HPDL: variants seen among roughly 807,000 people sequenced by gnomAD.
HPDL encodes the protein 4-hydroxyphenylpyruvate dioxygenase-like protein.
HPDL carries 7 observed loss-of-function variants against 9.8 expected under a neutral mutation model. The ratio of observed to expected loss-of-function variants is 0.71; its 90% CI spans 0.41 to 1.34. HPDL has a LOEUF of 1.34. Ranked by LOEUF, HPDL falls within the 40% of genes most tolerant of loss-of-function variation. The pLI, the probability that HPDL is intolerant of heterozygous loss-of-function variation, is 0.01. For missense variants in HPDL, 530 were observed against 495.1 expected, an observed-to-expected ratio of 1.07 and a Z score of -0.67; for synonymous variants, 250 against 228.2, an observed-to-expected ratio of 1.10 and a Z score of -0.86.
Position 45,327,012 on chromosome 1 carries a change from A to T in HPDL, c.-137A>T. 1 of 895,640 alleles carries T rather than the reference A, an allele frequency of 1.1e-6. No homozygotes were observed. Among genetic ancestry groups the T allele is most frequent in the Non-Finnish European group, 1.6e-6 (1 of 644,670 alleles). 55.5% of individuals were successfully genotyped at this position (895,640 alleles called of 1,614,324 possible). A position where few individuals can be genotyped will look rare whatever the true frequency, so the allele number is the denominator to read the frequency against. ...TCGGCGGGTGACTTCTTTCCGGAAGAAAGCGAGGAACGCGCTCTGCGGGGT... is the reference window on the plus strand; with the variant it reads ...TCGGCGGGTGACTTCTTTCCGGAAGTAAGCGAGGAACGCGCTCTGCGGGGT... On this transcript the variant is annotated 5_prime_UTR_variant, in exon 1 of 1. Coordinates refer to ENST00000334815, the MANE Select transcript of HPDL (RefSeq NM_032756.4). The surrounding 1 kb of genome is among the most constrained non-coding windows in gnomAD (Gnocchi z 6.3).
rs764332722 is a variant in HPDL, at chr1:45,327,907, G to T, written c.759G>T (p.Gly253=). 14 of 1,558,548 alleles carry T rather than the reference G, an allele frequency of 9.0e-6. No individual in the cohort carries two copies. The African/African-American group carries it at 1.8e-4, about 20-fold the overall frequency. Residue 253 remains glycine (G), a synonymous_variant, in exon 1 of 1, where the codon GGG becomes GGT. Transcript: ENST00000334815. The surrounding 1 kb of genome is among the most constrained non-coding windows in gnomAD (Gnocchi z 6.3). ...QVEQFLARHK[G]PGLQHVGLYT... is the part of the protein sequence containing the mutation. Reference sequence around the variant, plus strand: ...AGCAGTTCCTGGCCCGGCACAAGGGGCCAGGCCTGCAGCACGTGGGGCTGT... The same window carrying T: ...AGCAGTTCCTGGCCCGGCACAAGGGTCCAGGCCTGCAGCACGTGGGGCTGT...
chr1:45,328,381 T>A lies in HPDL; in HGVS notation c.*117T>A. 9.3e-7 allele frequency: 1 copy of A among 1,071,018 alleles called. No homozygotes were observed. Among genetic ancestry groups the A allele is most frequent in the Non-Finnish European group, 1.3e-6 (1 of 751,012 alleles). 66.3% of individuals were successfully genotyped at this position (1,071,018 alleles called of 1,614,324 possible). A position where few individuals can be genotyped will look rare whatever the true frequency, so the allele number is the denominator to read the frequency against. On this transcript the variant is annotated 3_prime_UTR_variant, in exon 1 of 1. Transcript: ENST00000334815. ...AAAGGCTTTGCCTCCGGGGGGCAGG[T>A]GTGACTTCCATTTCATCAGTGCCTG...
rs1212898568 is a variant in HPDL at position 45,326,982 on chromosome 1, A to T, written c.-167A>T. ...GCTGCAGGGAGAACCGCGAGCTCTC[A>T]GGGGTCGGCGGGTGACTTCTTTCCG... On this transcript the variant is annotated 5_prime_UTR_variant, in exon 1 of 1. Coordinates refer to ENST00000334815, the MANE Select transcript of HPDL (RefSeq NM_032756.4). The T allele has an allele frequency of 1.6e-6, 1 of 639,902 alleles. No homozygotes were observed. The highest frequency in any genetic ancestry group is 2.4e-6 in the Non-Finnish European group (1 of 415,830). 39.6% of individuals were successfully genotyped at this position (639,902 alleles called of 1,614,324 possible).
Position 45,327,583 on chromosome 1 carries a change from C to T in HPDL, c.435C>T (p.Gly145=), listed in dbSNP as rs776707726. The change falls in exon 1 of 1, where the codon GGC becomes GGT. Residue 145 remains glycine, a synonymous_variant. Coordinates refer to ENST00000334815, the MANE Select transcript of HPDL (RefSeq NM_032756.4). The surrounding 1 kb of genome is among the most constrained non-coding windows in gnomAD (Gnocchi z 6.3). The part of the protein sequence containing the change: ...RAGYRGPFLP[G]FRPVSSAPGP... ...GCTACCGCGGACCCTTCCTACCCGG[C>T]TTCAGGCCCGTGTCCTCTGCGCCTG... 18 of 1,611,464 alleles carry T rather than the reference C, an allele frequency of 1.1e-5. No homozygotes were observed. The South Asian group carries it at 1.5e-4, about 14-fold the overall frequency.
At position 45,327,740 on chromosome 1, in the gene HPDL, G is replaced by C. The variant is rs781600308; in HGVS notation, c.592G>C (p.Glu198Gln). The change falls in exon 1 of 1, where the codon GAG (glutamate) becomes CAG (glutamine). Residue 198 changes from glutamate (E) to glutamine (Q), a missense_variant. Transcript: ENST00000334815. The surrounding 1 kb of genome is among the most constrained non-coding windows in gnomAD (Gnocchi z 6.3). ...HLPLSPGEDP[E>Q]LGLEMTAGFG... ...GCCGCTGAGCCCAGGTGAGGATCCC[G>C]AGCTGGGCCTCGAAATGACAGCAGG... 1 of 1,612,758 alleles carries C rather than the reference G, an allele frequency of 6.2e-7. No homozygotes were observed. Among genetic ancestry groups the C allele is most frequent in the South Asian group, 1.1e-5 (1 of 90,910 alleles).
In HPDL at chr1:45,326,944, T is replaced by C; in HGVS notation, c.-205T>C. ...GACCCGGTGGTCCAGACGCTGCTCC[T>C]GGCTGGGGTGGCGCTGCAGGGAGAA... On this transcript the variant is annotated 5_prime_UTR_variant, in exon 1 of 1. Transcript: ENST00000334815. 1 of 485,054 alleles carries C rather than the reference T, an allele frequency of 2.1e-6. No individual in the cohort carries two copies. The highest frequency in any genetic ancestry group is 3.5e-6 in the Non-Finnish European group (1 of 286,126). 30.0% of individuals were successfully genotyped at this position (485,054 alleles called of 1,614,324 possible).
chr1:45,327,025 C>A lies in HPDL; in HGVS notation c.-124C>A. On this transcript the variant is annotated 5_prime_UTR_variant, in exon 1 of 1. Transcript: ENST00000334815. The surrounding 1 kb of genome is among the most constrained non-coding windows in gnomAD (Gnocchi z 6.3). Reference sequence around the variant, plus strand: ...TCTTTCCGGAAGAAAGCGAGGAACGCGCTCTGCGGGGTGAGCCGGACTCCC... The same window carrying A: ...TCTTTCCGGAAGAAAGCGAGGAACGAGCTCTGCGGGGTGAGCCGGACTCCC... 1.0e-6 allele frequency: 1 copy of A among 983,184 alleles called. No individual in the cohort carries two copies. Among genetic ancestry groups the A allele is most frequent in the Non-Finnish European group, 1.4e-6 (1 of 719,624 alleles). 60.9% of individuals were successfully genotyped at this position (983,184 alleles called of 1,614,324 possible). A position where few individuals can be genotyped will look rare whatever the true frequency, so the allele number is the denominator to read the frequency against.
Position 45,328,117 on chromosome 1 carries a change from T to G in HPDL, c.969T>G (p.Leu323=). 6.2e-7 allele frequency: 1 copy of G among 1,614,224 alleles called. No individual in the cohort carries two copies. Among genetic ancestry groups the G allele is most frequent in the African/African-American group, 1.3e-5 (1 of 75,054 alleles). The part of the protein sequence containing the change: ...LLDGDKGKFL[L]QVFTKSLFTE... ...ATGGTGATAAAGGCAAGTTTCTGCT[T>G]CAGGTCTTCACCAAGTCCCTTTTTA... Residue 323 remains leucine, a synonymous_variant, in exon 1 of 1, where the codon CTT becomes CTG. Coordinates refer to ENST00000334815, the MANE Select transcript of HPDL (RefSeq NM_032756.4).
At position 45,327,513 on chromosome 1, in the gene HPDL, G is replaced by A; in HGVS notation, c.365G>A (p.Ser122Asn). 1 of 1,601,940 alleles carries A rather than the reference G, an allele frequency of 6.2e-7. No homozygotes were observed. Among genetic ancestry groups the A allele is most frequent in the Non-Finnish European group, 8.5e-7 (1 of 1,178,820 alleles). The change falls in exon 1 of 1, where the codon AGC (serine) becomes AAC (asparagine). Residue 122 changes from serine (S) to asparagine (N), a missense_variant. Ser to Asn is a conservative substitution (Grantham distance 46). Transcript: ENST00000334815. The surrounding 1 kb of genome is among the most constrained non-coding windows in gnomAD (Gnocchi z 6.3). ...GGTGCCGCCACTTACGCCGTGGTCA[G>A]CTCGCCTGCCGGCATCCTCAGCCTG... is the stretch of plus-strand genomic sequence containing the variant. ...AQGAATYAVV[S>N]SPAGILSLTL...
At position 45,328,217 on chromosome 1, in the gene HPDL, C is replaced by A; in HGVS notation, c.1069C>A (p.Leu357Met). Residue 357 changes from leucine (L) to methionine (M), a missense_variant, in exon 1 of 1, where the codon CTG becomes ATG. Transcript: ENST00000334815. ...TGFGQGNIRA[L>M]WQSVQEQSAR... ...CTTTGGTCAGGGCAACATCAGAGCT[C>A]TGTGGCAGTCCGTACAGGAGCAATC... is the stretch of plus-strand genomic sequence containing the variant. 6.2e-7 allele frequency: 1 copy of A among 1,614,248 alleles called. No individual in the cohort carries two copies. The highest frequency in any genetic ancestry group is 2.2e-5 in the East Asian group (1 of 44,884).
chr1:45,328,184 G>C lies in HPDL; in HGVS notation c.1036G>C (p.Ala346Pro), dbSNP rs764014580. 3.1e-6 allele frequency: 5 copies of C among 1,614,126 alleles called. No homozygotes were observed. Among genetic ancestry groups the C allele is most frequent in the Admixed American group, 1.7e-5 (1 of 60,010 alleles). Reference protein sequence around the residue: ...FFLELIQRQGATGFGQGNIRA... With the variant: ...FFLELIQRQGPTGFGQGNIRA... ...CCTGGAGCTGATTCAGAGGCAGGGGGCCACTGGCTTTGGTCAGGGCAACAT... is the reference window on the plus strand; with the variant it reads ...CCTGGAGCTGATTCAGAGGCAGGGGCCCACTGGCTTTGGTCAGGGCAACAT... Residue 346 changes from alanine to proline, a missense_variant, in exon 1 of 1, where the codon GCC becomes CCC. Ala to Pro is a conservative substitution (Grantham distance 27). Transcript: ENST00000334815.
Position 45,328,115 on chromosome 1 carries a change from C to T in HPDL, c.967C>T (p.Leu323Phe). The change falls in exon 1 of 1, where the codon CTT (leucine) becomes TTT (phenylalanine). Residue 323 changes from leucine to phenylalanine, a missense_variant. Leu to Phe is a conservative substitution (Grantham distance 22). Coordinates refer to ENST00000334815, the MANE Select transcript of HPDL (RefSeq NM_032756.4). ...AGATGGTGATAAAGGCAAGTTTCTG[C>T]TTCAGGTCTTCACCAAGTCCCTTTT... ...LLDGDKGKFLLQVFTKSLFTE... is the reference protein window; with the variant it reads ...LLDGDKGKFLFQVFTKSLFTE... 3 of 1,614,254 alleles carry T rather than the reference C, an allele frequency of 1.9e-6. No homozygotes were observed. Among genetic ancestry groups the T allele is most frequent in the Non-Finnish European group, 2.5e-6 (3 of 1,180,048 alleles).
In HPDL at chr1:45,328,606, A is replaced by G. The variant is rs1459926794; in HGVS notation, c.*342A>G. 3.1e-5 allele frequency: 8 copies of G among 260,410 alleles called. No homozygotes were observed. The highest frequency in any genetic ancestry group is 5.5e-5 in the Non-Finnish European group (7 of 126,784). The allele number at this position is 260,410 out of a possible 1,614,324, so 16.1% of individuals were successfully genotyped here. ...TCTATTTCCTCCCACCCACTCCTCA[A>G]ATCCTGTCATTATTAGCCCTTTGCT... On this transcript the variant is annotated 3_prime_UTR_variant, in exon 1 of 1. Coordinates refer to ENST00000334815, the MANE Select transcript of HPDL (RefSeq NM_032756.4).
In HPDL at chr1:45,327,023, C is replaced by G. The variant is rs902480448; in HGVS notation, c.-126C>G. The G allele has an allele frequency of 1.2e-4, 116 of 968,370 alleles. No homozygotes were observed. The highest frequency in any genetic ancestry group is 3.0e-4 in the Admixed American group (9 of 29,530). 60.0% of individuals were successfully genotyped at this position (968,370 alleles called of 1,614,324 possible). ...CTTCTTTCCGGAAGAAAGCGAGGAA[C>G]GCGCTCTGCGGGGTGAGCCGGACTC... On this transcript the variant is annotated 5_prime_UTR_variant, in exon 1 of 1. Coordinates refer to ENST00000334815, the MANE Select transcript of HPDL (RefSeq NM_032756.4). This position sits in a 1 kb window ranked among gnomAD's most constrained non-coding sequence, Gnocchi z 6.3.
Position 45,327,522 on chromosome 1 carries a change from C to A in HPDL, c.374C>A (p.Ala125Asp). Reference sequence around the variant, plus strand: ...ACTTACGCCGTGGTCAGCTCGCCTGCCGGCATCCTCAGCCTGACCTTGCTG... The same window carrying A: ...ACTTACGCCGTGGTCAGCTCGCCTGACGGCATCCTCAGCCTGACCTTGCTG... ...AATYAVVSSP[A>D]GILSLTLLER... Residue 125 changes from alanine (A) to aspartate (D), a missense_variant, in exon 1 of 1, where the codon GCC becomes GAC. Physicochemically the swap from Ala to Asp is moderately radical, Grantham distance 126. Transcript: ENST00000334815. The surrounding 1 kb of genome is among the most constrained non-coding windows in gnomAD (Gnocchi z 6.3). 1 of 1,604,160 alleles carries A rather than the reference C, an allele frequency of 6.2e-7. No individual in the cohort carries two copies. Among genetic ancestry groups the A allele is most frequent in the Non-Finnish European group, 8.5e-7 (1 of 1,179,172 alleles).
chr1:45,327,792 C>T lies in HPDL; in HGVS notation c.644C>T (p.Thr215Ile), dbSNP rs1644256164. 2 of 1,602,184 alleles carry T rather than the reference C, an allele frequency of 1.2e-6. No individual in the cohort carries two copies. The highest frequency in any genetic ancestry group is 1.1e-5 in the South Asian group (1 of 89,930). ...TTTGGGCTTGGGGGACTGAGGCTTA[C>T]AGCCCTGCAGGCCCAGCCGGGCAGC... ...AGFGLGGLRL[T>I]ALQAQPGSIV... is the part of the protein sequence containing the mutation. Residue 215 changes from threonine (T) to isoleucine (I), a missense_variant, in exon 1 of 1, where the codon ACA (threonine) becomes ATA (isoleucine). Thr to Ile is a moderately conservative substitution (Grantham distance 89, BLOSUM62 -1). Transcript: ENST00000334815. This position sits in a 1 kb window ranked among gnomAD's most constrained non-coding sequence, Gnocchi z 6.3.
rs1429476958 is a variant in HPDL at position 45,328,616 on chromosome 1, T to C, written c.*352T>C. ...CCCACCCACTCCTCAAATCCTGTCA[T>C]TATTAGCCCTTTGCTTTTCTGTATT... On this transcript the variant is annotated 3_prime_UTR_variant, in exon 1 of 1. Coordinates refer to ENST00000334815, the MANE Select transcript of HPDL (RefSeq NM_032756.4). 3 of 241,576 alleles carry C rather than the reference T, an allele frequency of 1.2e-5. No individual in the cohort carries two copies. Among genetic ancestry groups the C allele is most frequent in the Admixed American group, 5.0e-5 (1 of 20,076 alleles). 15.0% of individuals were successfully genotyped at this position (241,576 alleles called of 1,614,324 possible). A position where few individuals can be genotyped will look rare whatever the true frequency, so the allele number is the denominator to read the frequency against.
Position 45,328,234 on chromosome 1 carries a change from G to A in HPDL, c.1086G>A (p.Gln362=). 1 of 1,614,096 alleles carries A rather than the reference G, an allele frequency of 6.2e-7. No individual in the cohort carries two copies. The highest frequency in any genetic ancestry group is 8.5e-7 in the Non-Finnish European group (1 of 1,179,934). The change falls in exon 1 of 1, where the codon CAG becomes CAA. Residue 362 remains glutamine, a synonymous_variant. Transcript: ENST00000334815. ...GNIRALWQSV[Q]EQSARSQEA Reference sequence around the variant, plus strand: ...TCAGAGCTCTGTGGCAGTCCGTACAGGAGCAATCTGCCAGGAGCCAGGAAG... The same window carrying A: ...TCAGAGCTCTGTGGCAGTCCGTACAAGAGCAATCTGCCAGGAGCCAGGAAG...
rs746461322 is a variant in HPDL, at chr1:45,327,269, G to C, written c.121G>C (p.Gly41Arg). ...GCCCCTGGCTTCGCGGGAGGTGGAC[G>C]GCTGGCGGCAGCTAGCCCTGCGCAG... Reference protein sequence around the residue: ...FQPLASREVDGWRQLALRSGD... With the variant: ...FQPLASREVDRWRQLALRSGD... Residue 41 changes from glycine to arginine, a missense_variant, in exon 1 of 1, where the codon GGC (glycine) becomes CGC (arginine). Transcript: ENST00000334815. This position sits in a 1 kb window ranked among gnomAD's most constrained non-coding sequence, Gnocchi z 6.3. 1.3e-6 allele frequency: 2 copies of C among 1,598,208 alleles called. No individual in the cohort carries two copies. The highest frequency in any genetic ancestry group is 2.7e-5 in the African/African-American group (2 of 74,676).
Sources: gnomAD v4.1 joint callset for allele counts on GRCh38, gnomAD v4.1.1 for gene constraint, Gnocchi (gnomAD v3.1) non-coding constraint, MANE v1.5 for transcripts, NCBI Gene and HGNC (gene_info 2026-07-23, HGNC 2026-07-21) for gene names.